Variants in MECOM observed in about 807,000 individuals in gnomAD.
The protein encoded by MECOM is histone-lysine N-methyltransferase MECOM.
Under a neutral mutation model 116.3 loss-of-function variants are expected in MECOM, and 13 were observed. That is an observed-to-expected ratio of 0.11 (90% confidence interval 0.07 to 0.18). The LOEUF (loss-of-function observed/expected upper bound fraction) is 0.18, where lower values mean the gene tolerates loss of function less well. MECOM is among the 10% of genes least tolerant of loss of function. The pLI is 1.00. For synonymous variants in MECOM, 528 were observed against 535.2 expected (o/e 0.99, Z 0.19); for missense variants, 1,299 against 1,509.0 (o/e 0.86, Z 2.31).
intron 2 of MECOM, among the ~76,000 whole-genome samples, chr3:169,185,564 G>A (rs536578259): frequency 6.6e-6 from 1 of 152,126 alleles, no homozygotes; most frequent in Non-Finnish European, 1.5e-5. Context: ...GAAAGGAAAT[G>A]CAATAAGGTA....
At chr3:169,319,573 G>A (rs907694033) in intron 2 of MECOM, among the ~76,000 whole-genome samples, 1 of 151,312 alleles carries the variant, frequency 6.6e-6, no homozygotes, top group Non-Finnish European at 1.5e-5. Context: ...AAAAAAATCA[G>A]CACACCACTC....
chr3:169,223,319 T>C (rs1158433434), intron 2 of MECOM, among the ~76,000 whole-genome samples: 1 of 113,030 alleles, frequency 8.8e-6, no homozygotes, highest in African/African-American at 3.4e-5. Context: ...CATTGTGTGA[T>C]GTTCCCCACC....
intron 1 of MECOM, among the ~76,000 whole-genome samples, chr3:169,443,514 CAA>C (rs1578117244): frequency 6.6e-6 from 1 of 152,202 alleles, no homozygotes; most frequent in East Asian, 1.9e-4. Context: ...AGCAGGGAAA[CAA>C]AACAAAAAAC....
intron 1 of MECOM, among the ~76,000 whole-genome samples, chr3:169,560,549 A>G (rs1762525012): frequency 6.6e-6 from 1 of 152,164 alleles, no homozygotes; most frequent in Non-Finnish European, 1.5e-5. Flanking sequence ...TAAAATTATC[A>G]AAACATTTTA....
intron 1 of MECOM, among the ~76,000 whole-genome samples, chr3:169,421,640 AT>A (rs1484332446): frequency 6.6e-6 from 1 of 150,986 alleles, no homozygotes; most frequent in East Asian, 2.0e-4. Flanking sequence ...GAGAATTCTC[AT>A]TTTCTGTGGT....
chr3:169,411,082 A>C (rs1277258689), intron 1 of MECOM, among the ~76,000 whole-genome samples: 4 of 152,164 alleles, frequency 2.6e-5, no homozygotes, highest in Admixed American at 1.3e-4. Flanking sequence ...GTCTGTATAT[A>C]TGTATCACCA....
At chr3:169,149,971 GTGTGTGTCTGTCTGTC>G (rs1237668910) in intron 2 of MECOM, among the ~76,000 whole-genome samples, 1 of 111,584 alleles carries the variant, frequency 9.0e-6, no homozygotes, top group Non-Finnish European at 2.1e-5. Context: ...GTGTGTGTGT[GTGTGTGTCTGTCTGTC>G]TGTCTGTCTG....
At position 169,663,605 on chromosome 3, in the gene MECOM, TCTCC is replaced by T. The variant is rs1439056345; in HGVS notation, c.-237_-234del. The T allele has an allele frequency of 5.2e-6, 3 of 576,442 alleles. No homozygotes were observed. The East Asian group carries it at 8.6e-5, about 17-fold the overall frequency. The allele number at this position is 576,442 out of a possible 1,614,324, so 35.7% of individuals were successfully genotyped here. On this transcript the variant is annotated 5_prime_UTR_variant, in exon 1 of 17. Coordinates refer to ENST00000651503, the MANE Select transcript of MECOM (RefSeq NM_004991.4). ...CTCTGTATTTTCTTCTTTCACTCTC[TCTCC>T]CTCCCTCTCTCCCTTTCTCTCAATC...
intron 1 of MECOM, among the ~76,000 whole-genome samples, chr3:169,519,410 G>C (rs1044858184): frequency 1.1e-4 from 17 of 152,136 alleles, no homozygotes; most frequent in Admixed American, 9.8e-4. Flanking sequence ...TGGCTGAATG[G>C]AACCCATTTA....
At chr3:169,616,872 G>A (rs1281362000) in intron 1 of MECOM, among the ~76,000 whole-genome samples, 2 of 152,178 alleles carry the variant, frequency 1.3e-5, no homozygotes, top group Non-Finnish European at 2.9e-5. Flanking sequence ...AACCTTAGAT[G>A]CATAGAGCTC....
At chr3:169,552,405 GTAA>G (rs1412518609) in intron 1 of MECOM, among the ~76,000 whole-genome samples, 4 of 151,838 alleles carry the variant, frequency 2.6e-5, no homozygotes, top group African/African-American at 9.7e-5. Flanking sequence ...AATAGCAAGA[GTAA>G]TAATAATAAT....
intron 1 of MECOM, among the ~76,000 whole-genome samples, chr3:169,645,060 G>A (rs926817268): frequency 3.9e-5 from 6 of 152,154 alleles, no homozygotes; most frequent in African/African-American, 9.7e-5. Flanking sequence ...GGAACCATTA[G>A]GAACACAGAC....
At chr3:169,263,190 G>A (rs556338400) in intron 2 of MECOM, among the ~76,000 whole-genome samples, 5 of 135,702 alleles carry the variant, frequency 3.7e-5, no homozygotes, top group African/African-American at 5.6e-5. Flanking sequence ...GTGCAGTGGC[G>A]CAATCTCCAC....
rs139585579 is a variant in MECOM, at chr3:169,339,294, A to G, written c.375+41893T>C. The stretch of plus-strand genomic sequence containing the variant: ...TGTGGTCATTTGGGAACTTTTTAGA[A>G]GTGCAAATTCTTGGGCTCACCCCAG... On this transcript the variant is annotated intron_variant, in intron 2 of 16. Transcript: ENST00000651503. 2.0e-3 allele frequency among the ~76,000 whole-genome samples: 308 copies of G among 152,346 alleles called. 1 individual carries two copies. The highest frequency in any genetic ancestry group is 6.9e-3 in the African/African-American group (288 of 41,580).
intron 1 of MECOM, among the ~76,000 whole-genome samples, chr3:169,481,614 A>C (rs568134935): frequency 6.6e-6 from 1 of 152,230 alleles, no homozygotes; most frequent in Non-Finnish European, 1.5e-5. Context: ...AGTGTCTAGA[A>C]TATAATTTGT....
At chr3:169,380,597 C>T (rs1577924768) in intron 2 of MECOM, among the ~76,000 whole-genome samples, 1 of 152,158 alleles carries the variant, frequency 6.6e-6, no homozygotes, top group East Asian at 1.9e-4. Context: ...TTTTGATGCA[C>T]AAATTACTCA....
chr3:169,382,069 A>G (rs1056538644), intron 1 of MECOM, among the ~76,000 whole-genome samples: 11 of 152,144 alleles, frequency 7.2e-5, no homozygotes, highest in African/African-American at 2.7e-4. Flanking sequence ...TTCCTTTCCA[A>G]TTTTGAACAT....
At chr3:169,591,103 A>G (rs1181191760) in intron 1 of MECOM, among the ~76,000 whole-genome samples, 1 of 152,224 alleles carries the variant, frequency 6.6e-6, no homozygotes. Context: ...GGAAAGGCAC[A>G]GTACAAGAAT....
chr3:169,187,248 T>C (rs1746904368), intron 2 of MECOM, among the ~76,000 whole-genome samples: 1 of 152,256 alleles, frequency 6.6e-6, no homozygotes, highest in East Asian at 1.9e-4. Flanking sequence ...CTGGCTATGA[T>C]CAACCTCTCA....
Sources: gnomAD v4.1 joint callset for allele counts (sites outside exome capture counted in the v4.1 genomes callset) on GRCh38, gnomAD v4.1.1 for gene constraint, MANE v1.5 for transcripts, NCBI Gene and HGNC (gene_info 2026-07-23, HGNC 2026-07-21) for gene names.